Variants in PVT1 observed in about 807,000 individuals in gnomAD.
PVT1 encodes CXCR4/PVT1 fusion.
Position 127,910,893 on chromosome 8 carries a change from TTG to T in PVT1, n.782+19914_782+19915del, listed in dbSNP as rs537562200. The stretch of plus-strand genomic sequence containing the variant: ...ATCAGTCTGCTGTGTGTGTGTGTGT[TTG>T]TGTGTGTGTGTGTGTGTGAGAGAGA... On this transcript the variant is annotated intron_variant and non_coding_transcript_variant, in intron 3 of 10. Coordinates refer to ENST00000651587, the Ensembl canonical transcript of PVT1. Among the ~76,000 whole-genome samples the T allele has an allele frequency of 2.1e-4, 30 of 140,688 alleles. No individual in the cohort carries two copies. The East Asian group carries it at 4.3e-3, about 20-fold the overall frequency. The allele number at this position is 140,688 out of a possible 152,430, so 92.3% of individuals were successfully genotyped here.
At chr8:127,987,742 C>T (rs1387714572) in intron 3 of PVT1, among the ~76,000 whole-genome samples, 1 of 152,224 alleles carries the variant, frequency 6.6e-6, no homozygotes, top group Non-Finnish European at 1.5e-5. Context: ...GAAGAGCCCA[C>T]CGTCAACCAA....
At chr8:127,907,333 G>T (rs747413792) in intron 3 of PVT1, among the ~76,000 whole-genome samples, 12 of 152,148 alleles carry the variant, frequency 7.9e-5, no homozygotes, top group Admixed American at 6.6e-4. Flanking sequence ...GTCAAAATGC[G>T]GTGCTGTAAA....
chr8:127,888,072 C>CTGTGATT (rs1372314558), intron 2 of PVT1, among the ~76,000 whole-genome samples: 1 of 147,362 alleles, frequency 6.8e-6, no homozygotes, highest in African/African-American at 2.5e-5. Context: ...TCCTGAGTAG[C>CTGTGATT]TGTGATTACA....
intron 3 of PVT1, among the ~76,000 whole-genome samples, chr8:127,988,724 G>A (rs536315363): frequency 6.6e-6 from 1 of 152,332 alleles, no homozygotes; most frequent in African/African-American, 2.4e-5. Context: ...CACCATGTAT[G>A]AAATGGGCTG....
At chr8:127,902,677 A>G (rs113865318) in intron 3 of PVT1, among the ~76,000 whole-genome samples, 1 of 152,028 alleles carries the variant, frequency 6.6e-6, no homozygotes, top group Non-Finnish European at 1.5e-5. Flanking sequence ...ATAAGTGAGA[A>G]CATGCGGTAT....
At chr8:128,071,677 C>T (rs1390513030) in intron 5 of PVT1, among the ~76,000 whole-genome samples, 1 of 68,010 alleles carries the variant, frequency 1.5e-5, no homozygotes, top group Non-Finnish European at 3.1e-5. Context: ...AGATTTGAGA[C>T]TCTGTCTCTA....
chr8:127,951,082 G>C (rs1413217448), intron 3 of PVT1, among the ~76,000 whole-genome samples: 1 of 152,168 alleles, frequency 6.6e-6, no homozygotes. Context: ...ATTCTTAGTA[G>C]AGATGGGGTT....
chr8:127,910,220 G>T (rs992893744), intron 3 of PVT1, among the ~76,000 whole-genome samples: 1 of 152,214 alleles, frequency 6.6e-6, no homozygotes, highest in Admixed American at 6.5e-5. Context: ...GATGGGACTG[G>T]TGGGAAGATT....
At chr8:127,913,882 C>CT (rs1040435056) in intron 3 of PVT1, among the ~76,000 whole-genome samples, 1 of 152,088 alleles carries the variant, frequency 6.6e-6, no homozygotes, top group African/African-American at 2.4e-5. Context: ...CAGTGCCTCT[C>CT]TAAGTGAAGG....
intron 5 of PVT1, chr8:128,082,692 A>G (rs1004405994): frequency 5.3e-5 from 8 of 152,208 alleles, no homozygotes; most frequent in African/African-American, 1.4e-4. Context: ...CTCTTCTCAA[A>G]TGAAAAGGCA....
At position 128,028,570 on chromosome 8, in the gene PVT1, G is replaced by T. The variant is rs73357332; in HGVS notation, n.912+39279G>T. 6.0e-3 allele frequency among the ~76,000 whole-genome samples: 915 copies of T among 152,322 alleles called. 17 individuals are homozygous for T. Among genetic ancestry groups the T allele is most frequent in the African/African-American group, 0.019 (794 of 41,568 alleles). ...CTTTGGCTTCAGATGAGTGTCGAGC[G>T]CCTCACTCTGCCATCTCTAGCTAGG... On this transcript the variant is annotated intron_variant and non_coding_transcript_variant, in intron 4 of 10. Transcript: ENST00000651587.
intron 3 of PVT1, among the ~76,000 whole-genome samples, chr8:127,901,626 G>A (rs899309839): frequency 3.3e-5 from 5 of 151,972 alleles, no homozygotes; most frequent in African/African-American, 1.2e-4. Flanking sequence ...TGCCTAGGCT[G>A]GTCTCAAACT....
At chr8:128,015,054 GATTTATTTATTT>G (rs59316636) in intron 4 of PVT1, among the ~76,000 whole-genome samples, 40 of 146,082 alleles carry the variant, frequency 2.7e-4, no homozygotes, top group African/African-American at 5.0e-4. Context: ...AAGAGAAATA[GATTTATTTATTT>G]ATTTATTTAT....
At chr8:128,050,153 C>G (rs1813671662) in intron 4 of PVT1, among the ~76,000 whole-genome samples, 1 of 152,172 alleles carries the variant, frequency 6.6e-6, no homozygotes, top group Non-Finnish European at 1.5e-5. Context: ...AGTGGTTTTC[C>G]CTCTCCCTGG....
chr8:128,039,239 G>A (rs1226220628), intron 4 of PVT1, among the ~76,000 whole-genome samples: 7 of 12,400 alleles, frequency 5.6e-4, no homozygotes, highest in East Asian at 2.5e-3. Context: ...TTCTTGCCTC[G>A]CCTCCCTTCC....
rs1249207939 is a variant in PVT1 at position 127,899,991 on chromosome 8, G to A, written n.782+8993G>A. 3.3e-5 allele frequency among the ~76,000 whole-genome samples: 5 copies of A among 152,186 alleles called. No homozygotes were observed. In the East Asian group the frequency reaches 9.6e-4, roughly 29 times the overall value. ...TTAGCACATGCTCATGAGGTGGCATGCTTTGCTTTGGATCATTGTCTTTAT... is the reference window on the plus strand; with the variant it reads ...TTAGCACATGCTCATGAGGTGGCATACTTTGCTTTGGATCATTGTCTTTAT... On this transcript the variant is annotated intron_variant and non_coding_transcript_variant, in intron 3 of 10. Coordinates refer to ENST00000651587, the Ensembl canonical transcript of PVT1.
At chr8:127,883,388 C>A (rs906118452) in intron 2 of PVT1, among the ~76,000 whole-genome samples, 1 of 152,086 alleles carries the variant, frequency 6.6e-6, no homozygotes, top group Non-Finnish European at 1.5e-5. Flanking sequence ...ATAGACGCAG[C>A]CTGTTTTTCG....
chr8:127,918,600 A>T (rs1816019947), intron 3 of PVT1, among the ~76,000 whole-genome samples: 1 of 152,192 alleles, frequency 6.6e-6, no homozygotes. Context: ...GATTCATCTG[A>T]GTTCCCCAGA....
chr8:128,062,443 A>G (rs1813842664), intron 4 of PVT1, among the ~76,000 whole-genome samples: 1 of 152,246 alleles, frequency 6.6e-6, no homozygotes, highest in Admixed American at 6.5e-5. Context: ...AAACAAATAA[A>G]AAAGAAGTGA....
Sources: allele counts gnomAD v4.1 joint callset (sites outside exome capture counted in the v4.1 genomes callset), GRCh38; gene constraint gnomAD v4.1.1; transcripts MANE v1.5; gene names NCBI Gene and HGNC (gene_info 2026-07-23, HGNC 2026-07-21).